UNC79: variants seen among roughly 807,000 people sequenced by gnomAD.
UNC79 encodes unc-79 subunit of NALCN channel complex.
Under a neutral mutation model 283.1 loss-of-function variants are expected in UNC79, and 37 were observed. That is an observed-to-expected ratio of 0.13 (90% confidence interval 0.10 to 0.17). The LOEUF (loss-of-function observed/expected upper bound fraction) is 0.17, where lower values mean the gene tolerates loss of function less well. Ranked by LOEUF, UNC79 falls within the 10% of genes least tolerant of loss-of-function variation. The pLI, the probability that UNC79 is intolerant of heterozygous loss-of-function variation, is 1.00. For synonymous variants in UNC79, 1,107 were observed against 1,200.2 expected, an observed-to-expected ratio of 0.92 and a Z score of 1.61; for missense variants, 2,272 against 3,211.1, an observed-to-expected ratio of 0.71 and a Z score of 7.07.
intron 1 of UNC79, among the ~76,000 whole-genome samples, chr14:93,458,146 CA>C (rs1270065403): frequency 6.6e-6 from 1 of 152,072 alleles, no homozygotes; most frequent in Non-Finnish European, 1.5e-5. Flanking sequence ...TAAAAGGGGG[CA>C]ATGACAGAAA....
chr14:93,520,212 T>G (rs1479888642), intron 7 of UNC79, among the ~76,000 whole-genome samples: 60 of 152,090 alleles, frequency 3.9e-4, no homozygotes, highest in Non-Finnish European at 7.4e-5. Flanking sequence ...TTTCAGCCTA[T>G]TAAAGATGTC....
chr14:93,686,561 T>C lies in UNC79; in HGVS notation c.6820-11T>C. 1 of 1,613,948 alleles carries C rather than the reference T, an allele frequency of 6.2e-7. No homozygotes were observed. The highest frequency in any genetic ancestry group is 8.5e-7 in the Non-Finnish European group (1 of 1,179,846). On this transcript the variant is annotated splice_polypyrimidine_tract_variant and intron_variant, in intron 42 of 48. Coordinates refer to ENST00000555664, the Ensembl canonical transcript of UNC79. ...ATGAAGGTGTGACCCAGCTGTGTCC[T>C]TGTGTTTCAGTGTGGGACTGCAGCG...
intron 30 of UNC79, among the ~76,000 whole-genome samples, chr14:93,624,469 G>A (rs1007574904): frequency 6.6e-5 from 10 of 152,142 alleles, no homozygotes; most frequent in African/African-American, 2.2e-4. Flanking sequence ...TAGGGCTGGT[G>A]CATACGAAGC....
At chr14:93,696,235 C>A (rs1337937649) in intron 47 of UNC79, among the ~76,000 whole-genome samples, 1 of 151,976 alleles carries the variant, frequency 6.6e-6, no homozygotes, top group Non-Finnish European at 1.5e-5. Context: ...AGGGGGTTTC[C>A]AGTTTGGGGC....
intron 7 of UNC79, among the ~76,000 whole-genome samples, chr14:93,499,606 G>C (rs993098846): frequency 1.4e-4 from 21 of 152,182 alleles, no homozygotes; most frequent in African/African-American, 4.6e-4. Context: ...AGGCGCTTTT[G>C]GTGAAGCAGT....
exon 26 of UNC79, chr14:93,603,268 A>T: frequency 6.2e-7 from 1 of 1,614,188 alleles, no homozygotes; most frequent in Non-Finnish European, 8.5e-7. Context: ...CAATGTTGCT[A>T]ACCTCAGCGA....
chr14:93,676,325 G>T (rs1195299427), intron 41 of UNC79, among the ~76,000 whole-genome samples: 1 of 152,160 alleles, frequency 6.6e-6, no homozygotes, highest in Non-Finnish European at 1.5e-5. Context: ...CTCTCAAGGT[G>T]CTGGGATTAC....
intron 33 of UNC79, among the ~76,000 whole-genome samples, chr14:93,642,449 G>C (rs2069141185): frequency 6.8e-6 from 1 of 146,426 alleles, no homozygotes; most frequent in Non-Finnish European, 1.5e-5. Context: ...AAAAAAGTGA[G>C]GAAGGTAAGG....
At chr14:93,440,144 G>A (rs924735472) in intron 1 of UNC79, among the ~76,000 whole-genome samples, 1 of 149,416 alleles carries the variant, frequency 6.7e-6, no homozygotes, top group African/African-American at 2.5e-5. Context: ...ATGATTTAAA[G>A]TATACAGGAG....
chr14:93,565,672 G>C (rs960590693), intron 14 of UNC79, among the ~76,000 whole-genome samples: 9 of 89,684 alleles, frequency 1.0e-4, no homozygotes, highest in African/African-American at 3.1e-4. Context: ...TGCTTTAACA[G>C]CAAACTAACA....
intron 1 of UNC79, among the ~76,000 whole-genome samples, chr14:93,391,965 T>C (rs1042882826): frequency 6.6e-6 from 1 of 152,162 alleles, no homozygotes; most frequent in Non-Finnish European, 1.5e-5. Flanking sequence ...TGAGCAAAGA[T>C]GTAGAACAAC....
intron 1 of UNC79, among the ~76,000 whole-genome samples, chr14:93,348,972 T>C (rs1187218980): frequency 6.6e-6 from 1 of 152,226 alleles, no homozygotes; most frequent in African/African-American, 2.4e-5. Context: ...GTTCTTTCGC[T>C]CTTCGCAATA....
rs1199813478 is a variant in UNC79 at position 93,652,752 on chromosome 14, T to C, written c.6084-990T>C. On this transcript the variant is annotated intron_variant, in intron 35 of 48. Transcript: ENST00000555664. The stretch of plus-strand genomic sequence containing the variant: ...TGACCCTACTTGGTCTTTTAATCTA[T>C]AGCTGGATTCAGTGGCCATGACGAC... Among the ~76,000 whole-genome samples the C allele has an allele frequency of 2.6e-5, 4 of 152,344 alleles. 1 individual carries two copies. In the East Asian group the frequency reaches 7.7e-4, roughly 29 times the overall value.
intron 8 of UNC79, among the ~76,000 whole-genome samples, chr14:93,527,862 T>C (rs1476401844): frequency 6.6e-6 from 1 of 152,082 alleles, no homozygotes; most frequent in African/African-American, 2.4e-5. Flanking sequence ...GATATTGAAA[T>C]ATTCTGATGA....
At position 93,514,013 on chromosome 14, in the gene UNC79, A is replaced by G. The variant is rs1254988460; in HGVS notation, c.899-9965A>G. On this transcript the variant is annotated intron_variant, in intron 7 of 48. Transcript: ENST00000555664. ...AGAAGGAACATGTAAAATCAATGCT[A>G]TAGTCTTCTACTTTAGGAAACTAGA... Among the ~76,000 whole-genome samples, 5 of 152,368 alleles carry G rather than the reference A, an allele frequency of 3.3e-5. No homozygotes were observed. In the East Asian group the frequency reaches 9.6e-4, roughly 29 times the overall value.
chr14:93,560,939 T>C (rs1396308552), intron 14 of UNC79, among the ~76,000 whole-genome samples: 2 of 151,978 alleles, frequency 1.3e-5, no homozygotes, highest in Non-Finnish European at 2.9e-5. Context: ...AAACGTTGAG[T>C]GCCCACGAGC....
At chr14:93,585,527 T>C (rs2064157765) in intron 20 of UNC79, among the ~76,000 whole-genome samples, 1 of 152,232 alleles carries the variant, frequency 6.6e-6, no homozygotes, top group South Asian at 2.1e-4. Context: ...TTAAAATACA[T>C]TCAGGCGGAA....
intron 7 of UNC79, among the ~76,000 whole-genome samples, chr14:93,505,252 G>T (rs1021735631): frequency 2.6e-5 from 4 of 152,098 alleles, no homozygotes; most frequent in African/African-American, 9.6e-5. Flanking sequence ...CAAGAGCAGG[G>T]TGTTAAAAAT....
In UNC79 at chr14:93,344,558, G is replaced by GA. The variant is rs983069848; in HGVS notation, c.-351+11044dup. Among the ~76,000 whole-genome samples, 36 of 150,644 alleles carry GA rather than the reference G, an allele frequency of 2.4e-4. 1 individual carries two copies. The highest frequency in any genetic ancestry group is 5.8e-4 in the African/African-American group (24 of 41,102). On this transcript the variant is annotated intron_variant, in intron 1 of 49. Coordinates refer to the UNC79 transcript ENST00000256339. ...TGGAAGGGCTTTCTTGCTAGGCAGG[G>GA]AAAAAAAAACATGGCTCCCAAGTTA... is the stretch of plus-strand genomic sequence containing the variant.
Sources: gnomAD v4.1 joint callset for allele counts (sites outside exome capture counted in the v4.1 genomes callset) on GRCh38, gnomAD v4.1.1 for gene constraint, MANE v1.5 for transcripts, NCBI Gene and HGNC (gene_info 2026-07-23, HGNC 2026-07-21) for gene names.